LZTS1: variants seen among roughly 807,000 people sequenced by gnomAD.
The protein encoded by LZTS1 is leucine zipper putative tumor suppressor 1.
In LZTS1, 31 loss-of-function variants were observed where a neutral mutation model predicts 45.8. The ratio of observed to expected loss-of-function variants is 0.68; its 90% CI spans 0.51 to 0.91. The LOEUF (loss-of-function observed/expected upper bound fraction) is 0.91, where lower values mean the gene tolerates loss of function less well. Ranked by LOEUF, LZTS1 falls within the 40% of genes least tolerant of loss-of-function variation. The pLI is 0.00. For synonymous variants in LZTS1, 359 were observed against 357.3 expected, an observed-to-expected ratio of 1.00 and a Z score of -0.05; for missense variants, 821 against 788.9, an observed-to-expected ratio of 1.04 and a Z score of -0.49.
chr8:20,265,087 G>A (rs896909950), intron 1 of LZTS1, among the ~76,000 whole-genome samples: 29 of 152,308 alleles, frequency 1.9e-4, no homozygotes, highest in African/African-American at 7.0e-4. Flanking sequence ...TGCTGTCCCA[G>A]GTCGGGGAGC....
intron 1 of LZTS1, among the ~76,000 whole-genome samples, chr8:20,292,217 C>A (rs183730426): frequency 1.4e-3 from 218 of 152,318 alleles, no homozygotes; most frequent in African/African-American, 5.0e-3. Context: ...GCAAAGGAAC[C>A]CCTGGCACCC....
chr8:20,253,304 G>A lies in LZTS1; in HGVS notation c.627C>T (p.Ser209=), dbSNP rs757371014. The change falls in exon 3 of 4, where the codon TCC becomes TCT. Residue 209 remains serine (S), a synonymous_variant. Coordinates refer to ENST00000381569, the MANE Select transcript of LZTS1 (RefSeq NM_021020.5). The part of the protein sequence containing the change: ...PVGPTSRFGG[S]AHNITQGIVL... ...CGATGCCCTGGGTGATGTTGTGGGCGGAGCCCCCAAAACGGCTTGTGGGTC... is the reference window on the plus strand; with the variant it reads ...CGATGCCCTGGGTGATGTTGTGGGCAGAGCCCCCAAAACGGCTTGTGGGTC... The A allele has an allele frequency of 3.1e-5, 50 of 1,614,052 alleles. No individual in the cohort carries two copies. In the Middle Eastern group the frequency reaches 4.9e-4, roughly 16 times the overall value.
At chr8:20,277,460 T>C (rs7834385) in intron 1 of LZTS1, among the ~76,000 whole-genome samples, 53,844 of 152,104 alleles carry the variant, frequency 0.35, 10,546 homozygotes, top group Non-Finnish European at 0.43. Flanking sequence ...TTTTGTTTTG[T>C]AAACTTGCTT....
chr8:20,264,255 T>G (rs62499970), intron 1 of LZTS1, among the ~76,000 whole-genome samples: 1 of 152,030 alleles, frequency 6.6e-6, no homozygotes, highest in African/African-American at 2.4e-5. Context: ...CCCATTTACC[T>G]GCTGTGTAAT....
At position 20,253,505 on chromosome 8, in the gene LZTS1, C is replaced by G. The variant is rs141146887; in HGVS notation, c.426G>C (p.Pro142=). 3.1e-4 allele frequency: 484 copies of G among 1,576,346 alleles called. 1 individual carries two copies. The African/African-American group carries it at 5.5e-3, about 18-fold the overall frequency. ...GGTGCAGCTGGTGGCTGGCACTCTC[C>G]GGGGAGGAGTGCAGGATGGCTCCTG... ...PRSGAILHSS[P]ESASHQLHPA... The change falls in exon 3 of 4, where the codon CCG becomes CCC. Residue 142 remains proline, a synonymous_variant. Coordinates refer to ENST00000381569, the MANE Select transcript of LZTS1 (RefSeq NM_021020.5).
rs559218866 is a variant in LZTS1, at chr8:20,293,100, G to C, written c.-135+10640C>G. 9.2e-5 allele frequency among the ~76,000 whole-genome samples: 14 copies of C among 152,172 alleles called. No individual in the cohort carries two copies. The East Asian group carries it at 2.5e-3, about 27-fold the overall frequency. ...CTCTGGGAAACTGTGCTATCAACTA[G>C]GAGATACGAGATGAAGATAGGTATT... On this transcript the variant is annotated intron_variant, in intron 1 of 3. Coordinates refer to ENST00000381569, the MANE Select transcript of LZTS1 (RefSeq NM_021020.5).
At chr8:20,293,213 C>A (rs192883417) in intron 1 of LZTS1, among the ~76,000 whole-genome samples, 107 of 152,322 alleles carry the variant, frequency 7.0e-4, no homozygotes, top group Admixed American at 1.1e-3. Context: ...AAACCAGGGT[C>A]TGCTCTAGGC....
At chr8:20,257,623 T>A (rs1227222539) in intron 1 of LZTS1, among the ~76,000 whole-genome samples, 1 of 151,914 alleles carries the variant, frequency 6.6e-6, no homozygotes, top group Admixed American at 6.6e-5. Flanking sequence ...CTGTTTAATA[T>A]CTTTAACCTT....
At chr8:20,292,965 A>T (rs992654559) in intron 1 of LZTS1, among the ~76,000 whole-genome samples, 5 of 152,246 alleles carry the variant, frequency 3.3e-5, no homozygotes, top group Non-Finnish European at 7.4e-5. Context: ...GGTATTATCC[A>T]TGTGTCCCAT....
intron 1 of LZTS1, among the ~76,000 whole-genome samples, chr8:20,282,052 T>C (rs1006653957): frequency 1.3e-5 from 2 of 152,166 alleles, no homozygotes; most frequent in African/African-American, 4.8e-5. Context: ...CTCTGAGTAC[T>C]GCAATCCCAC....
intron 1 of LZTS1, among the ~76,000 whole-genome samples, chr8:20,268,375 T>C (rs562182461): frequency 6.6e-5 from 10 of 151,732 alleles, no homozygotes; most frequent in Admixed American, 2.6e-4. Context: ...CCAGGGCTAA[T>C]TGACTCCCCT....
chr8:20,298,959 G>T (rs898712161), intron 1 of LZTS1, among the ~76,000 whole-genome samples: 19 of 152,316 alleles, frequency 1.2e-4, no homozygotes, highest in African/African-American at 4.3e-4. Flanking sequence ...GGCAAAAGGA[G>T]CTAACTAGCC....
intron 1 of LZTS1, among the ~76,000 whole-genome samples, chr8:20,257,030 C>A (rs1800120134): frequency 1.3e-5 from 2 of 152,056 alleles, no homozygotes; most frequent in South Asian, 4.1e-4. Flanking sequence ...CCTAAGAAAG[C>A]CAAGTCAAGA....
chr8:20,294,416 A>C (rs1266729161), intron 1 of LZTS1, among the ~76,000 whole-genome samples: 1 of 152,192 alleles, frequency 6.6e-6, no homozygotes, highest in African/African-American at 2.4e-5. Flanking sequence ...CGGGCCTGGC[A>C]AGGGGAGGAG....
chr8:20,255,794 G>A (rs2128893054), intron 1 of LZTS1, among the ~76,000 whole-genome samples: 1 of 152,246 alleles, frequency 6.6e-6, no homozygotes, highest in Non-Finnish European at 1.5e-5. Context: ...TGAGGGGGCA[G>A]CCAGGCATGA....
Position 20,303,721 on chromosome 8 carries a change from C to T in LZTS1, c.-135+19G>A. The T allele has an allele frequency of 1.1e-5, 11 of 985,476 alleles. No homozygotes were observed. The highest frequency in any genetic ancestry group is 1.3e-5 in the Non-Finnish European group (11 of 830,030). 61.0% of individuals were successfully genotyped at this position (985,476 alleles called of 1,614,324 possible). ...CAGACCCTCCAGGGGCGAGGAGATC[C>T]CCGGCCACCGCACCTTACCTGCCCC... On this transcript the variant is annotated intron_variant, in intron 1 of 3. Transcript: ENST00000381569.
In LZTS1 at chr8:20,249,345, G is replaced by A. The variant is rs1799818294; in HGVS notation, c.*377C>T. On this transcript the variant is annotated 3_prime_UTR_variant, in exon 4 of 4. Transcript: ENST00000381569. ...ATTCCAATGTGTCCAGGAGGAAAAA[G>A]AGGTTGGGATGAGAAGCAGAGGGGA... is the stretch of plus-strand genomic sequence containing the variant. 4.7e-6 allele frequency: 1 copy of A among 214,210 alleles called. No individual in the cohort carries two copies. The highest frequency in any genetic ancestry group is 2.3e-5 in the African/African-American group (1 of 43,604). 13.3% of individuals were successfully genotyped at this position (214,210 alleles called of 1,614,324 possible). A position where few individuals can be genotyped will look rare whatever the true frequency, so the allele number is the denominator to read the frequency against.
At position 20,274,961 on chromosome 8, in the gene LZTS1, C is replaced by CTGTGTGTGTGTGTGTGTGTG. The variant is rs34482608; in HGVS notation, c.-134-19666_-134-19647dup. 3.8e-3 allele frequency among the ~76,000 whole-genome samples: 483 copies of CTGTGTGTGTGTGTGTGTGTG among 125,740 alleles called. 5 individuals are homozygous for CTGTGTGTGTGTGTGTGTGTG. The highest frequency in any genetic ancestry group is 0.012 in the African/African-American group (446 of 37,440). The allele number at this position is 125,740 out of a possible 152,430, so 82.5% of individuals were successfully genotyped here. On this transcript the variant is annotated intron_variant, in intron 1 of 3. Coordinates refer to ENST00000381569, the MANE Select transcript of LZTS1 (RefSeq NM_021020.5). ...CAAAGATAGAGTGGCTGCCATGATA[C>CTGTGTGTGTGTGTGTGTGTG]TGTGTGTGTGTGTGTGTGTGTGTCT...
rs1799828975 is a variant in LZTS1 at position 20,249,685 on chromosome 8, G to C, written c.*37C>G. 6.4e-7 allele frequency: 1 copy of C among 1,568,116 alleles called. No individual in the cohort carries two copies. Among genetic ancestry groups the C allele is most frequent in the African/African-American group, 1.3e-5 (1 of 74,352 alleles). ...ATGCACGGGAGAGCCCTGCCTCCCAGTGCCAGGTCCCCAGACTCGCCTTCC... is the reference window on the plus strand; with the variant it reads ...ATGCACGGGAGAGCCCTGCCTCCCACTGCCAGGTCCCCAGACTCGCCTTCC... On this transcript the variant is annotated 3_prime_UTR_variant, in exon 4 of 4. Coordinates refer to ENST00000381569, the MANE Select transcript of LZTS1 (RefSeq NM_021020.5).
Sources: allele counts gnomAD v4.1 joint callset (sites outside exome capture counted in the v4.1 genomes callset), GRCh38; gene constraint gnomAD v4.1.1; transcripts MANE v1.5; gene names NCBI Gene and HGNC (gene_info 2026-07-23, HGNC 2026-07-21).